The following IL1RAPL1 variants were observed in gnomAD, a reference collection of about 807,000 sequenced individuals.
IL1RAPL1 encodes the protein interleukin 1 receptor accessory protein like 1, also known as interleukin-1 receptor accessory protein-like 1.
Under a neutral mutation model 48.4 loss-of-function variants are expected in IL1RAPL1, and 3 were observed. That is an observed-to-expected ratio of 0.06 (90% CI 0.03 to 0.16). The LOEUF (loss-of-function observed/expected upper bound fraction) is 0.16. Among genes scored for constraint, IL1RAPL1 ranks in the 10% least tolerant of loss-of-function variants. IL1RAPL1 has a pLI of 1.00. For missense variants in IL1RAPL1, 349 were observed against 530.6 expected (o/e 0.66, Z 3.36); for synonymous variants, 185 against 187.7 (o/e 0.99, Z 0.12).
intron 8 of IL1RAPL1, among the ~76,000 whole-genome samples, chrX:29,931,736 A>G (rs926576063): frequency 8.9e-6 from 1 of 112,355 alleles, no homozygotes; most frequent in African/African-American, 3.2e-5. Flanking sequence ...TCTTTGGCCA[A>G]TCCAAAGCAT....
Position 28,969,679 on chromosome X carries a change from C to A in IL1RAPL1, c.82+180254C>A, listed in dbSNP as rs1044635524. On this transcript the variant is annotated intron_variant, in intron 2 of 10. Coordinates refer to ENST00000378993, the MANE Select transcript of IL1RAPL1 (RefSeq NM_014271.4). ...AGACTCTCACAGCAGTAATGTCCAC[C>A]GTTTTTCTCCCTAGTGTTAATTTTT... Among the ~76,000 whole-genome samples the A allele has an allele frequency of 4.6e-5, 5 of 108,716 alleles. No homozygotes were observed. In the East Asian group the frequency reaches 1.4e-3, roughly 31 times the overall value. The allele number at this position is 108,716 out of a possible 115,157, so 94.4% of individuals were successfully genotyped here.
intron 6 of IL1RAPL1, among the ~76,000 whole-genome samples, chrX:29,698,800 G>A (rs1263900900): frequency 2.7e-5 from 3 of 112,126 alleles, no homozygotes; most frequent in African/African-American, 9.7e-5. Flanking sequence ...AATTAAGAAA[G>A]GAAGAATAGA....
intron 2 of IL1RAPL1, among the ~76,000 whole-genome samples, chrX:29,202,459 C>T (rs780047749): frequency 8.9e-6 from 1 of 112,114 alleles, no homozygotes; most frequent in African/African-American, 3.2e-5. Flanking sequence ...GGCTGTTTCT[C>T]AAAGAACTCA....
At chrX:29,370,745 A>G (rs1468572168) in intron 3 of IL1RAPL1, among the ~76,000 whole-genome samples, 2 of 111,103 alleles carry the variant, frequency 1.8e-5, no homozygotes, top group Non-Finnish European at 3.8e-5. Flanking sequence ...AATATTCATT[A>G]AAATATATAA....
At chrX:29,132,037 T>G (rs1929033152) in intron 2 of IL1RAPL1, among the ~76,000 whole-genome samples, 1 of 111,604 alleles carries the variant, frequency 9.0e-6, no homozygotes, top group Admixed American at 9.6e-5. Context: ...TTTAAGAAAA[T>G]ATATTATTCC....
chrX:29,612,948 T>G (rs759794491), intron 5 of IL1RAPL1, among the ~76,000 whole-genome samples: 2 of 112,183 alleles, frequency 1.8e-5, no homozygotes, highest in African/African-American at 3.2e-5. Flanking sequence ...AGTAAACACA[T>G]AAGTTTCCTG....
chrX:29,097,137 G>T (rs866286557), intron 2 of IL1RAPL1, among the ~76,000 whole-genome samples: 2 of 110,751 alleles, frequency 1.8e-5, no homozygotes, highest in Non-Finnish European at 3.8e-5. Context: ...ATACTTTATA[G>T]CTTCCTCCTA....
chrX:29,294,825 C>T (rs188390455), intron 3 of IL1RAPL1, among the ~76,000 whole-genome samples: 2 of 111,295 alleles, frequency 1.8e-5, no homozygotes, highest in East Asian at 5.7e-4. Context: ...CCTGATAAAG[C>T]AAGTAGATCA....
At chrX:28,873,585 G>A (rs1418503488) in intron 2 of IL1RAPL1, among the ~76,000 whole-genome samples, 1 of 91,343 alleles carries the variant, frequency 1.1e-5, no homozygotes, top group Non-Finnish European at 2.1e-5. Context: ...AGGCTGGAGT[G>A]CAGTGGCTCA....
intron 2 of IL1RAPL1, among the ~76,000 whole-genome samples, chrX:28,945,259 C>T (rs968107026): frequency 2.1e-4 from 23 of 110,815 alleles, no homozygotes; most frequent in African/African-American, 7.5e-4. Flanking sequence ...GGGTGTATAC[C>T]CAAAAAGTAT....
chrX:28,987,239 G>C (rs5943582), intron 2 of IL1RAPL1, among the ~76,000 whole-genome samples: 9 of 111,307 alleles, frequency 8.1e-5, no homozygotes, highest in African/African-American at 2.6e-4. Context: ...CAGAATCCTG[G>C]ATCTATCAGA....
chrX:28,733,877 A>G lies in IL1RAPL1; in HGVS notation c.-24-55443A>G, dbSNP rs146993536. ...ATTTTCACTGAAAGCACTTATAGAC[A>G]CTTAAAATTTAATATGTCCAAAGGC... On this transcript the variant is annotated intron_variant, in intron 1 of 10. Coordinates refer to ENST00000378993, the MANE Select transcript of IL1RAPL1 (RefSeq NM_014271.4). 3.8e-3 allele frequency among the ~76,000 whole-genome samples: 421 copies of G among 111,906 alleles called. 6 individuals are homozygous for G. The highest frequency in any genetic ancestry group is 0.013 in the African/African-American group (401 of 30,857).
At chrX:28,890,715 A>G (rs776589291) in intron 2 of IL1RAPL1, among the ~76,000 whole-genome samples, 1 of 111,935 alleles carries the variant, frequency 8.9e-6, no homozygotes, top group Admixed American at 9.5e-5. Context: ...ATTTTATAAT[A>G]AAGTCCCTCA....
In IL1RAPL1 at chrX:29,266,171, A is replaced by G. The variant is rs774344390; in HGVS notation, c.83-16767A>G. 3.2e-3 allele frequency among the ~76,000 whole-genome samples: 362 copies of G among 111,491 alleles called. 1 individual carries two copies. Among genetic ancestry groups the G allele is most frequent in the Non-Finnish European group, 5.5e-3 (293 of 53,071 alleles). On this transcript the variant is annotated intron_variant, in intron 2 of 10. Transcript: ENST00000378993. ...GCTATAAAGACACATGCACACGTAT[A>G]TTTATTGCGGCACTATTCACAATAG...
At chrX:29,611,022 G>C (rs1257355033) in intron 5 of IL1RAPL1, among the ~76,000 whole-genome samples, 1 of 111,871 alleles carries the variant, frequency 8.9e-6, no homozygotes, top group East Asian at 2.8e-4. Context: ...ATCTGACTCT[G>C]GCATAACATT....
At chrX:28,796,679 C>T (rs1431833363) in intron 2 of IL1RAPL1, among the ~76,000 whole-genome samples, 1 of 111,309 alleles carries the variant, frequency 9.0e-6, no homozygotes, top group Non-Finnish European at 1.9e-5. Flanking sequence ...GTACAGCCTC[C>T]CTCCCAGCTG....
intron 3 of IL1RAPL1, among the ~76,000 whole-genome samples, chrX:29,303,319 C>T (rs1289757650): frequency 9.0e-6 from 1 of 111,490 alleles, no homozygotes; most frequent in Admixed American, 9.5e-5. Context: ...TAAGATTTGG[C>T]CATGCATTAA....
At chrX:29,396,135 T>C in intron 3 of IL1RAPL1, 123 bp from the exon 4 acceptor site, 1 of 540,610 alleles carries the variant, frequency 1.8e-6, no homozygotes, top group Admixed American at 2.9e-5. Flanking sequence ...TAAGTCAAGA[T>C]ACCATAAAAT....
intron 6 of IL1RAPL1, among the ~76,000 whole-genome samples, chrX:29,822,648 T>G (rs1441115867): frequency 2.7e-5 from 3 of 111,436 alleles, no homozygotes; most frequent in Non-Finnish European, 5.6e-5. Context: ...ATTTGTTCAG[T>G]ACCAACAGGA....
Sources: gnomAD v4.1 joint callset for allele counts (sites outside exome capture counted in the v4.1 genomes callset) on GRCh38, gnomAD v4.1.1 for gene constraint, MANE v1.5 for transcripts, NCBI Gene and HGNC (gene_info 2026-07-23, HGNC 2026-07-21) for gene names.